Variants in NOS1AP observed in about 807,000 individuals in gnomAD.
NOS1AP encodes carboxyl-terminal PDZ ligand of neuronal nitric oxide synthase protein.
A neutral mutation model predicts 56.2 loss-of-function variants in NOS1AP; 21 were observed. The observed-to-expected ratio is 0.37, with a 90% confidence interval of 0.26 to 0.54. The LOEUF (loss-of-function observed/expected upper bound fraction) is 0.54, where lower values mean the gene tolerates loss of function less well. Among genes scored for constraint, NOS1AP ranks in the 20% least tolerant of loss-of-function variants. The pLI, the probability that NOS1AP is intolerant of heterozygous loss-of-function variation, is 0.84. For synonymous variants in NOS1AP, 270 were observed against 274.6 expected, an observed-to-expected ratio of 0.98 and a Z score of 0.17; for missense variants, 522 against 657.8, an observed-to-expected ratio of 0.79 and a Z score of 2.26.
At chr1:162,087,148 AAG>A (rs1692021459) in intron 1 of NOS1AP, among the ~76,000 whole-genome samples, 1 of 152,166 alleles carries the variant, frequency 6.6e-6, no homozygotes, top group African/African-American at 2.4e-5. Context: ...TGAATTCAGC[AAG>A]AGTTTGGTGT....
intron 2 of NOS1AP, among the ~76,000 whole-genome samples, chr1:162,157,333 A>G (rs1571075142): frequency 6.6e-6 from 1 of 152,222 alleles, no homozygotes; most frequent in South Asian, 2.1e-4. Flanking sequence ...ACTGGCCACC[A>G]TTAATAGCAA....
At chr1:162,223,734 T>A (rs184321885) in intron 2 of NOS1AP, among the ~76,000 whole-genome samples, 52 of 152,304 alleles carry the variant, frequency 3.4e-4, no homozygotes, top group African/African-American at 1.2e-3. Context: ...TATAGGAAAT[T>A]ATTAAAATTT....
chr1:162,116,993 G>A (rs563290878), intron 1 of NOS1AP, among the ~76,000 whole-genome samples: 5 of 152,166 alleles, frequency 3.3e-5, no homozygotes, highest in South Asian at 4.2e-4. Flanking sequence ...TCCATTGTCC[G>A]AATCAAAATC....
At chr1:162,072,777 C>G (rs141769559) in intron 1 of NOS1AP, among the ~76,000 whole-genome samples, 2 of 152,352 alleles carry the variant, frequency 1.3e-5, no homozygotes, top group African/African-American at 4.8e-5. Context: ...TAAGAGCCTT[C>G]TCTGGCTGTT....
intron 1 of NOS1AP, among the ~76,000 whole-genome samples, chr1:162,144,384 G>A (rs7540674): frequency 1 from 152,374 of 152,376 alleles, 76,186 homozygotes; most frequent in Non-Finnish European, 1. Flanking sequence ...CTTCTATAAA[G>A]TGAAGGGTTA....
chr1:162,263,376 C>T (rs1333604387), intron 2 of NOS1AP, among the ~76,000 whole-genome samples: 1 of 152,196 alleles, frequency 6.6e-6, no homozygotes, highest in Admixed American at 6.5e-5. Context: ...AAAGTGAACT[C>T]ACTCCTGTGA....
chr1:162,220,628 G>A (rs1652738438), intron 2 of NOS1AP, among the ~76,000 whole-genome samples: 1 of 152,156 alleles, frequency 6.6e-6, no homozygotes, highest in African/African-American at 2.4e-5. Context: ...TTTGTCAGAT[G>A]GATGCTTTAT....
chr1:162,228,232 T>C (rs1333580510), intron 2 of NOS1AP, among the ~76,000 whole-genome samples: 1 of 152,204 alleles, frequency 6.6e-6, no homozygotes, highest in East Asian at 1.9e-4. Flanking sequence ...TTTTCTTGAG[T>C]TTCTTCTGAT....
intron 2 of NOS1AP, among the ~76,000 whole-genome samples, chr1:162,178,502 T>G (rs1263070933): frequency 6.6e-6 from 1 of 152,232 alleles, no homozygotes; most frequent in African/African-American, 2.4e-5. Context: ...AATAATCCTT[T>G]TAGCAACCCT....
chr1:162,238,177 G>A (rs1235878563), intron 2 of NOS1AP, among the ~76,000 whole-genome samples: 1 of 152,068 alleles, frequency 6.6e-6, no homozygotes, highest in Non-Finnish European at 1.5e-5. Flanking sequence ...ACAATGTGTG[G>A]ACTTGAATAG....
chr1:162,315,618 C>T (rs147052107), intron 4 of NOS1AP, among the ~76,000 whole-genome samples: 171 of 152,322 alleles, frequency 1.1e-3, no homozygotes, highest in African/African-American at 3.8e-3. Context: ...GGGTTATCTG[C>T]AAGTCTCCAC....
At chr1:162,143,202 A>G (rs1649310820) in intron 1 of NOS1AP, among the ~76,000 whole-genome samples, 1 of 152,026 alleles carries the variant, frequency 6.6e-6, no homozygotes, top group Non-Finnish European at 1.5e-5. Context: ...TGGTCTGGTC[A>G]CTGGTAACAC....
intron 2 of NOS1AP, among the ~76,000 whole-genome samples, chr1:162,228,159 A>G (rs989125034): frequency 1.3e-5 from 2 of 152,190 alleles, no homozygotes; most frequent in African/African-American, 4.8e-5. Flanking sequence ...AAAGGGCTGG[A>G]AAGTTTGAAG....
At chr1:162,180,746 A>AC (rs982328434) in intron 2 of NOS1AP, among the ~76,000 whole-genome samples, 3 of 152,180 alleles carry the variant, frequency 2.0e-5, no homozygotes, top group Admixed American at 2.0e-4. Flanking sequence ...TTGGGAGATG[A>AC]CCCATGAGCT....
intron 1 of NOS1AP, among the ~76,000 whole-genome samples, chr1:162,070,841 C>T (rs1302802925): frequency 6.6e-6 from 1 of 152,076 alleles, no homozygotes; most frequent in East Asian, 1.9e-4. Context: ...GTGCCAGTCA[C>T]TGAAGGGAGT....
chr1:162,251,863 T>C (rs1047415400), intron 2 of NOS1AP, among the ~76,000 whole-genome samples: 1 of 99,034 alleles, frequency 1.0e-5, no homozygotes, highest in East Asian at 3.0e-4. Context: ...AGTTGTTTTT[T>C]TTTTTGTTTT....
intron 2 of NOS1AP, among the ~76,000 whole-genome samples, chr1:162,243,184 G>T (rs1334677908): frequency 6.6e-6 from 1 of 152,156 alleles, no homozygotes; most frequent in Non-Finnish European, 1.5e-5. Flanking sequence ...CTGTTGAAAG[G>T]TTATTGTAGC....
intron 1 of NOS1AP, among the ~76,000 whole-genome samples, chr1:162,137,716 T>A (rs1271422244): frequency 6.6e-6 from 1 of 152,074 alleles, no homozygotes; most frequent in Non-Finnish European, 1.5e-5. Flanking sequence ...GTGTGGTTGC[T>A]CAGGGTCTCC....
intron 2 of NOS1AP, among the ~76,000 whole-genome samples, chr1:162,260,940 C>T (rs1306319223): frequency 6.6e-6 from 1 of 151,638 alleles, no homozygotes; most frequent in Non-Finnish European, 1.5e-5. Context: ...TTTTAAATAT[C>T]TTCTGAAGAG....
Sources: gnomAD v4.1 joint callset for allele counts (sites outside exome capture counted in the v4.1 genomes callset) on GRCh38, gnomAD v4.1.1 for gene constraint, MANE v1.5 for transcripts, NCBI Gene and HGNC (gene_info 2026-07-23, HGNC 2026-07-21) for gene names.